The following TKFC variants were observed in gnomAD, a reference collection of about 807,000 sequenced individuals.
TKFC encodes the protein triokinase and FMN cyclase, also known as triokinase/FMN cyclase.
A neutral mutation model predicts 61.0 loss-of-function variants in TKFC; 46 were observed. The observed-to-expected ratio is 0.75, with a 90% CI of 0.60 to 0.96. The LOEUF (loss-of-function observed/expected upper bound fraction) is 0.96, where lower values mean the gene tolerates loss of function less well. TKFC is among the 50% of genes least tolerant of loss of function. TKFC has a pLI of 0.00. For missense variants in TKFC, 715 were observed against 777.5 expected, an observed-to-expected ratio of 0.92 and a Z score of 0.96; for synonymous variants, 314 against 330.1, an observed-to-expected ratio of 0.95 and a Z score of 0.53.
rs1389289739 is a variant in TKFC at position 61,348,084 on chromosome 11, C to A, written c.*1581C>A. 1.1e-5 allele frequency: 11 copies of A among 985,442 alleles called. No homozygotes were observed. In the South Asian group the frequency reaches 5.2e-4, roughly 46 times the overall value. The allele number at this position is 985,442 out of a possible 1,614,324, so 61.0% of individuals were successfully genotyped here. A position where few individuals can be genotyped will look rare whatever the true frequency, so the allele number is the denominator to read the frequency against. ...CCTGTCTGTCGGCTGCACCATACGT[C>A]CCTGACCACAAGGCATCCACGTGCA... On this transcript the variant is annotated 3_prime_UTR_variant, in exon 18 of 18. Coordinates refer to ENST00000394900, the MANE Select transcript of TKFC (RefSeq NM_015533.4).
intron 13 of TKFC, among the ~76,000 whole-genome samples, chr11:61,344,847 T>C (rs1857039135): frequency 6.6e-6 from 1 of 152,202 alleles, no homozygotes; most frequent in Non-Finnish European, 1.5e-5. Flanking sequence ...AAAAAGGTAT[T>C]TGGTGCCTGC....
downstream of TKFC, chr11:61,353,097 T>C: frequency 1.2e-6 from 2 of 1,613,500 alleles, no homozygotes; most frequent in Non-Finnish European, 1.7e-6. Context: ...CGCAGCCACA[T>C]GGACGCCCAG....
intron 5 of TKFC, among the ~76,000 whole-genome samples, chr11:61,340,993 G>C (rs1856826580): frequency 1.3e-5 from 2 of 152,152 alleles, no homozygotes; most frequent in South Asian, 4.1e-4. Context: ...TGAAGGTGGA[G>C]ACTGTGACTT....
At chr11:61,340,700 A>G (rs1856818164) in intron 5 of TKFC, among the ~76,000 whole-genome samples, 1 of 151,958 alleles carries the variant, frequency 6.6e-6, no homozygotes, top group South Asian at 2.1e-4. Flanking sequence ...TGTACCTGCC[A>G]GGCTATGGAT....
rs747367361 is a variant in TKFC at position 61,337,939 on chromosome 11, A to G, written c.4-2A>G. The G allele has an allele frequency of 5.1e-5, 82 of 1,601,602 alleles. No individual in the cohort carries two copies. The South Asian group carries it at 8.5e-4, about 17-fold the overall frequency. On this transcript the variant is annotated splice_acceptor_variant, in intron 2 of 17. Coordinates refer to ENST00000394900, the MANE Select transcript of TKFC (RefSeq NM_015533.4). LOFTEE classifies it high-confidence loss of function. ...GACCTCCTTCTCACTCCTCCCTTGC[A>G]GACCTCCAAGAAGCTGGTGAACTCG...
At chr11:61,353,035 CAG>C, downstream of TKFC, 1 of 1,614,142 alleles carries the variant, frequency 6.2e-7, no homozygotes, top group Non-Finnish European at 8.5e-7. Context: ...ATGCGATGGA[CAG>C]AGAGAGGATG....
chr11:61,346,909 A>C lies in TKFC; in HGVS notation c.*406A>C, dbSNP rs544680189. 1.0e-6 allele frequency: 1 copy of C among 991,970 alleles called. No homozygotes were observed. Among genetic ancestry groups the C allele is most frequent in the Non-Finnish European group, 1.2e-6 (1 of 834,162 alleles). 61.4% of individuals were successfully genotyped at this position (991,970 alleles called of 1,614,324 possible). ...AAAGAAAGTTAATAAACTATAATAC[A>C]TGGAAGCAAGAAAGACACTGCCTCC... On this transcript the variant is annotated 3_prime_UTR_variant, in exon 18 of 18. Coordinates refer to ENST00000394900, the MANE Select transcript of TKFC (RefSeq NM_015533.4). This position sits in a 1 kb window ranked among gnomAD's most constrained non-coding sequence, Gnocchi z 4.1.
chr11:61,334,776 A>G (rs1207850305), intron 2 of TKFC, 45 bp downstream of exon 2: 1 of 1,613,652 alleles, frequency 6.2e-7, no homozygotes, highest in Non-Finnish European at 8.5e-7. Context: ...ATGGTCTCAA[A>G]GCAGGATCCC....
chr11:61,341,580 A>T, intron 6 of TKFC, 66 bp downstream of exon 6: 2 of 1,524,650 alleles, frequency 1.3e-6, no homozygotes, highest in South Asian at 2.4e-5. Flanking sequence ...GGCGAGGAGC[A>T]GGTTCCTGTT....
chr11:61,350,507 C>T, downstream of TKFC: 1 of 1,547,678 alleles, frequency 6.5e-7, no homozygotes. Flanking sequence ...GACCCCCAGC[C>T]TGCAGGGTGG....
chr11:61,350,858 T>C, downstream of TKFC: 1 of 1,345,916 alleles, frequency 7.4e-7, no homozygotes, highest in South Asian at 1.6e-5. Flanking sequence ...CCACCCTAAC[T>C]CCACCCTCAA....
chr11:61,334,806 CTCCTTACACT>C (rs1856535234), intron 2 of TKFC, 75 bp downstream of exon 2: 1 of 1,605,766 alleles, frequency 6.2e-7, no homozygotes, highest in African/African-American at 1.3e-5. Context: ...CAAGCTAAAG[CTCCTTACACT>C]TTGACTGAGA....
At chr11:61,350,760 G>A, downstream of TKFC, 1 of 620,324 alleles carries the variant, frequency 1.6e-6, no homozygotes, top group Non-Finnish European at 2.7e-6. Flanking sequence ...AGTGATTTGG[G>A]GGGGAAATTC....
At position 61,341,179 on chromosome 11, in the gene TKFC, C is replaced by T. The variant is rs180972952; in HGVS notation, c.487-257C>T. Among the ~76,000 whole-genome samples the T allele has an allele frequency of 1.8e-3, 276 of 152,236 alleles. 1 individual carries two copies. The highest frequency in any genetic ancestry group is 0.016 in the Admixed American group (252 of 15,296). On this transcript the variant is annotated intron_variant, in intron 5 of 17. Coordinates refer to ENST00000394900, the MANE Select transcript of TKFC (RefSeq NM_015533.4). Reference sequence around the variant, plus strand: ...GGCTGTGTGACATTGGACAAGTCACCGCCCCTCTCTGGGTCCATTTCCCCA... The same window carrying T: ...GGCTGTGTGACATTGGACAAGTCACTGCCCCTCTCTGGGTCCATTTCCCCA...
chr11:61,344,141 G>A lies in TKFC; in HGVS notation c.1108G>A (p.Ala370Thr). ...APDSTAAGGSASKRMALVLER... is the reference protein window; with the variant it reads ...APDSTAAGGSTSKRMALVLER... ...TCAGCATCCTCCCTTTCTAGGCTCA[G>A]CCTCGAAGCGGATGGCGCTGGTGCT... The change falls in exon 13 of 18, where the codon GCC becomes ACC. Residue 370 changes from alanine (A) to threonine (T), a missense_variant. Coordinates refer to ENST00000394900, the MANE Select transcript of TKFC (RefSeq NM_015533.4). 1 of 1,612,210 alleles carries A rather than the reference G, an allele frequency of 6.2e-7. No individual in the cohort carries two copies. The highest frequency in any genetic ancestry group is 1.3e-5 in the African/African-American group (1 of 75,006).
In TKFC at chr11:61,345,877, G is replaced by A. The variant is rs200084775; in HGVS notation, c.1506G>A (p.Ala502=). 4.3e-5 allele frequency: 70 copies of A among 1,614,168 alleles called. No homozygotes were observed. Among genetic ancestry groups the A allele is most frequent in the East Asian group, 1.6e-4 (7 of 44,882 alleles). The change falls in exon 17 of 18, where the codon GCG becomes GCA. Residue 502 remains alanine, a synonymous_variant. Coordinates refer to ENST00000394900, the MANE Select transcript of TKFC (RefSeq NM_015533.4). ...DRTMLDSLWA[A]GQELQAWKSP... ...TCCAGCTGGATTCTCTGTGGGCAGCGGGGCAGGAGCTCCAAGCCTGGAAGA... is the reference window on the plus strand; with the variant it reads ...TCCAGCTGGATTCTCTGTGGGCAGCAGGGCAGGAGCTCCAAGCCTGGAAGA...
chr11:61,338,995 G>C (rs1185852992), intron 3 of TKFC, 71 bp from the exon 4 acceptor site: 1 of 1,351,548 alleles, frequency 7.4e-7, no homozygotes, highest in East Asian at 2.3e-5. Flanking sequence ...GACCCCCGGA[G>C]TGTGGGAAGC....
Position 61,347,967 on chromosome 11 carries a change from G to T in TKFC, c.*1464G>T, listed in dbSNP as rs1054865179. 5.1e-6 allele frequency: 5 copies of T among 985,274 alleles called. No individual in the cohort carries two copies. In the African/African-American group the frequency reaches 7.0e-5, roughly 14 times the overall value. 61.0% of individuals were successfully genotyped at this position (985,274 alleles called of 1,614,324 possible). A position where few individuals can be genotyped will look rare whatever the true frequency, so the allele number is the denominator to read the frequency against. ...CATCTGCTCTACCACTAGCTGGTAG[G>T]AAAGAGCCTCCTGCCCTCCCAACCC... On this transcript the variant is annotated 3_prime_UTR_variant, in exon 18 of 18. Transcript: ENST00000394900.
Position 61,345,274 on chromosome 11 carries a change from C to G in TKFC, c.1255C>G (p.Leu419Val), listed in dbSNP as rs1473819590. ...TCTGCCTGCAGCAATCCAGGAGTGG[C>G]TGAAGGAGGGCCCACCCCCTGCCAG... The part of the protein sequence containing the change: ...SRAARAIQEW[L>V]KEGPPPASPA... Residue 419 changes from leucine (L) to valine (V), a missense_variant, in exon 14 of 18, where the codon CTG (leucine) becomes GTG (valine). Transcript: ENST00000394900. 2 of 1,577,130 alleles carry G rather than the reference C, an allele frequency of 1.3e-6. No individual in the cohort carries two copies. The highest frequency in any genetic ancestry group is 2.7e-5 in the African/African-American group (2 of 74,152).
Sources: gnomAD v4.1 joint callset for allele counts (sites outside exome capture counted in the v4.1 genomes callset) on GRCh38, gnomAD v4.1.1 for gene constraint, Gnocchi (gnomAD v3.1) non-coding constraint, MANE v1.5 for transcripts, NCBI Gene and HGNC (gene_info 2026-07-23, HGNC 2026-07-21) for gene names.